Variants in TCF7L2 observed in about 807,000 individuals in gnomAD.
TCF7L2 encodes the protein transcription factor 7-like 2.
In TCF7L2, 23 loss-of-function variants were observed where a neutral mutation model predicts 77.9. That is an observed-to-expected ratio of 0.30 (90% CI 0.21 to 0.42). TCF7L2 has a LOEUF of 0.42. Ranked by LOEUF, TCF7L2 falls within the 10% of genes least tolerant of loss-of-function variation. The pLI is 1.00. For missense variants in TCF7L2, 654 were observed against 793.1 expected, an observed-to-expected ratio of 0.82 and a Z score of 2.11; for synonymous variants, 413 against 340.2, an observed-to-expected ratio of 1.21 and a Z score of -2.36.
chr10:113,079,726 C>T (rs922048253), intron 5 of TCF7L2, among the ~76,000 whole-genome samples: 3 of 152,084 alleles, frequency 2.0e-5, no homozygotes, highest in African/African-American at 7.2e-5. Context: ...GGTGTAATCT[C>T]GGCTCACTGC....
chr10:113,149,218 A>G (rs2070198002), intron 8 of TCF7L2, among the ~76,000 whole-genome samples: 1 of 152,162 alleles, frequency 6.6e-6, no homozygotes, highest in African/African-American at 2.4e-5. Context: ...AGTGTCTCCC[A>G]AGGGGTTTTG....
At chr10:112,968,628 G>C (rs1355341896) in intron 4 of TCF7L2, among the ~76,000 whole-genome samples, 1 of 152,084 alleles carries the variant, frequency 6.6e-6, no homozygotes, top group East Asian at 1.9e-4. Flanking sequence ...GCCCAGGCTG[G>C]AGTGCAGTGG....
chr10:113,143,743 A>C (rs961530990), intron 6 of TCF7L2, among the ~76,000 whole-genome samples, 180 bp from the exon 7 acceptor site: 1 of 152,174 alleles, frequency 6.6e-6, no homozygotes, highest in African/African-American at 2.4e-5. Context: ...TTTCAAACTG[A>C]GGCTGAGGGA....
intron 4 of TCF7L2, 89 bp downstream of exon 4, chr10:112,964,713 T>TG (rs1434311542): frequency 0.012 from 11,019 of 946,698 alleles, 179 homozygotes; most frequent in African/African-American, 0.02. Flanking sequence ...CCAACTGAGA[T>TG]AATGATGATG....
chr10:113,045,196 C>G lies in TCF7L2; in HGVS notation c.552+5070C>G, dbSNP rs563561952. ...AGTGTGGGAAAAAGCATGCTAGACA[C>G]CAAGAGAGAGTGGAGTCAATGAAGA... is the stretch of plus-strand genomic sequence containing the variant. On this transcript the variant is annotated intron_variant, in intron 5 of 13. Coordinates refer to ENST00000627217, the MANE Select transcript of TCF7L2 (RefSeq NM_001146274.2). Among the ~76,000 whole-genome samples the G allele has an allele frequency of 3.9e-5, 6 of 152,200 alleles. No homozygotes were observed. In the South Asian group the frequency reaches 1.2e-3, roughly 32 times the overall value.
At chr10:113,051,228 CACACACACACACACAGACACAT>C (rs1040192745) in intron 5 of TCF7L2, among the ~76,000 whole-genome samples, 4 of 148,284 alleles carry the variant, frequency 2.7e-5, no homozygotes, top group African/African-American at 7.4e-5. Context: ...CACACACACA[CACACACACACACACAGACACAT>C]ACATATGCAC....
chr10:113,009,101 A>C (rs2046037986), intron 4 of TCF7L2, among the ~76,000 whole-genome samples: 1 of 152,066 alleles, frequency 6.6e-6, no homozygotes, highest in Admixed American at 6.6e-5. Flanking sequence ...AGGCCCGACT[A>C]ATTTTTAAAT....
At chr10:113,059,994 G>A (rs1337150871) in intron 5 of TCF7L2, among the ~76,000 whole-genome samples, 1 of 152,094 alleles carries the variant, frequency 6.6e-6, no homozygotes, top group Non-Finnish European at 1.5e-5. Context: ...AAGCTTGCTG[G>A]CATGTAGATT....
At chr10:113,030,599 C>T (rs2050045911) in intron 4 of TCF7L2, among the ~76,000 whole-genome samples, 1 of 152,222 alleles carries the variant, frequency 6.6e-6, no homozygotes, top group Non-Finnish European at 1.5e-5. Context: ...AGGTAGATGG[C>T]CTCTGGCCTG....
chr10:113,160,643 G>A lies in TCF7L2; in HGVS notation c.1343G>A (p.Arg448Gln), dbSNP rs927089403. 3 of 1,597,618 alleles carry A rather than the reference G, an allele frequency of 1.9e-6. No homozygotes were observed. Among genetic ancestry groups the A allele is most frequent in the African/African-American group, 1.3e-5 (1 of 74,728 alleles). The change falls in exon 13 of 14, where the codon CGG becomes CAG. Residue 448 changes from arginine (R) to glutamine (Q), a missense_variant. Coordinates refer to ENST00000627217, the MANE Select transcript of TCF7L2 (RefSeq NM_001146274.2). ...GATGCAAATACTCCAAAGAAGTGTCGGGCACTGTTCGGGCTTGACCGACAG... is the reference window on the plus strand; with the variant it reads ...GATGCAAATACTCCAAAGAAGTGTCAGGCACTGTTCGGGCTTGACCGACAG...
intron 5 of TCF7L2, among the ~76,000 whole-genome samples, chr10:113,102,276 A>C (rs1397138741): frequency 1.3e-5 from 2 of 152,058 alleles, no homozygotes; most frequent in African/African-American, 4.8e-5. Context: ...TGTGCAACTC[A>C]CTGTTTATGC....
intron 5 of TCF7L2, among the ~76,000 whole-genome samples, chr10:113,062,328 G>A (rs1333930513): frequency 6.6e-6 from 1 of 152,132 alleles, no homozygotes; most frequent in Non-Finnish European, 1.5e-5. Flanking sequence ...GAAGTTCCTA[G>A]TGCCTGCTTA....
intron 4 of TCF7L2, among the ~76,000 whole-genome samples, chr10:112,996,310 T>C (rs1248702352): frequency 6.6e-6 from 1 of 152,238 alleles, no homozygotes; most frequent in Non-Finnish European, 1.5e-5. Flanking sequence ...GTCTCTATTA[T>C]GGCATCAAGA....
At chr10:113,158,757 CTG>C (rs754438056) in intron 12 of TCF7L2, 40 bp downstream of exon 13, 7 of 1,591,462 alleles carry the variant, frequency 4.4e-6, no homozygotes, top group South Asian at 2.3e-5. Context: ...AGTTGATAAA[CTG>C]TTTTTTAATT....
chr10:112,964,555 G>T lies in TCF7L2; in HGVS notation c.382-1G>T, dbSNP rs2036056790. On this transcript the variant is annotated splice_acceptor_variant, in intron 3 of 13. Coordinates refer to ENST00000627217, the MANE Select transcript of TCF7L2 (RefSeq NM_001146274.2). LOFTEE classifies it high-confidence loss of function. ...CGCTTTGATTTGGTTTCTTTCTACA[G>T]CTCCATTTTCAGTCCGGCAGCACAC... The T allele has an allele frequency of 1.2e-5, 19 of 1,613,208 alleles. No individual in the cohort carries two copies. The highest frequency in any genetic ancestry group is 1.6e-5 in the Non-Finnish European group (19 of 1,179,384).
chr10:113,079,020 AC>A, intron 5 of TCF7L2, among the ~76,000 whole-genome samples: 1 of 151,604 alleles, frequency 6.6e-6, no homozygotes, highest in East Asian at 2.0e-4. Context: ...TTTAATAGAG[AC>A]GGGGGTTTCA....
At chr10:113,050,002 G>A (rs911630381) in intron 5 of TCF7L2, among the ~76,000 whole-genome samples, 1 of 152,180 alleles carries the variant, frequency 6.6e-6, no homozygotes, top group Non-Finnish European at 1.5e-5. Flanking sequence ...CTTCCCAACT[G>A]TGCCACATCT....
At chr10:113,066,332 T>G (rs943377784) in intron 5 of TCF7L2, among the ~76,000 whole-genome samples, 3 of 151,568 alleles carry the variant, frequency 2.0e-5, no homozygotes, top group Non-Finnish European at 4.4e-5. Flanking sequence ...GCCATTGCAC[T>G]CTAGCTTGGG....
chr10:113,157,306 C>G (rs948050667), intron 11 of TCF7L2, among the ~76,000 whole-genome samples: 16 of 152,018 alleles, frequency 1.1e-4, no homozygotes. Flanking sequence ...TTAGTAGAGA[C>G]GGGGTTTCGC....
Sources: gnomAD v4.1 joint callset for allele counts (sites outside exome capture counted in the v4.1 genomes callset) on GRCh38, gnomAD v4.1.1 for gene constraint, MANE v1.5 for transcripts, NCBI Gene and HGNC (gene_info 2026-07-23, HGNC 2026-07-21) for gene names.